The following TUG1 variants were observed in gnomAD, a reference collection of about 807,000 sequenced individuals.
The protein encoded by TUG1 is taurine upregulated gene 1.
chr22:30,970,672 C>G (rs1357359559), exon 1 of TUG1: 1 of 152,164 alleles, frequency 6.6e-6, no homozygotes, highest in African/African-American at 2.4e-5. Flanking sequence ...TTACTTGATC[C>G]TACTTTACAT....
chr22:30,976,427 A>G (rs1156445735), exon 3 of TUG1: 1 of 152,204 alleles, frequency 6.6e-6, no homozygotes, highest in Admixed American at 6.5e-5. Flanking sequence ...TTTGCTGGAA[A>G]CAAACTGATT....
At chr22:30,974,302 CTT>C in intron 2 of TUG1, 1 of 147,054 alleles carries the variant, frequency 6.8e-6, no homozygotes, top group East Asian at 2.0e-4. Flanking sequence ...TCTCAGGAGA[CTT>C]GCAGCAAATT....
exon 3 of TUG1, chr22:30,977,270 A>G (rs538692796): frequency 2.0e-5 from 3 of 152,338 alleles, no homozygotes; most frequent in South Asian, 2.1e-4. Context: ...GCACCATTCA[A>G]CCAATCTGAG....
chr22:30,976,123 T>C (rs1198920719), exon 3 of TUG1: 1 of 151,440 alleles, frequency 6.6e-6, no homozygotes, highest in Non-Finnish European at 1.5e-5. Context: ...ATCTGCCTAT[T>C]CTCCAGAATT....
chr22:30,975,492 A>G (rs1602532600), exon 3 of TUG1: 1 of 152,234 alleles, frequency 6.6e-6, no homozygotes, highest in South Asian at 2.1e-4. Context: ...TGTTCAGTAG[A>G]TGCTGAACAT....
chr22:30,979,238 G>T (rs2041322712), exon 3 of TUG1: 1 of 152,160 alleles, frequency 6.6e-6, no homozygotes, highest in African/African-American at 2.4e-5. Context: ...AAATGTGTGT[G>T]CTTATGTTTA....
exon 3 of TUG1, chr22:30,975,245 CTG>C (rs1272595813): frequency 4.6e-5 from 7 of 152,322 alleles, no homozygotes; most frequent in Non-Finnish European, 7.3e-5. Flanking sequence ...TGAGTGAAAA[CTG>C]TGCAGAAGCC....
chr22:30,972,789 T>G (rs2041245679), intron 1 of TUG1, 66 bp from the exon 2 acceptor site: 1 of 153,318 alleles, frequency 6.5e-6, no homozygotes. Flanking sequence ...GCAGACCCAC[T>G]TAGAGTCCTG....
chr22:30,969,958 A>C (rs760272240), exon 1 of TUG1: 1 of 152,210 alleles, frequency 6.6e-6, no homozygotes, highest in Non-Finnish European at 1.5e-5. Flanking sequence ...TCTGCGCCTC[A>C]GTTTCCTCCT....
exon 1 of TUG1, chr22:30,970,089 A>G (rs1445843246): frequency 1.3e-5 from 2 of 152,174 alleles, no homozygotes; most frequent in Non-Finnish European, 2.9e-5. Flanking sequence ...CAGTTCCCCA[A>G]TCCTTGGGTT....
exon 3 of TUG1, chr22:30,976,617 A>T (rs1365292085): frequency 6.6e-6 from 1 of 152,198 alleles, no homozygotes; most frequent in Admixed American, 6.5e-5. Context: ...ATTGTAACAG[A>T]CATAAAGACA....
chr22:30,975,629 G>A (rs1376647039), exon 3 of TUG1: 1 of 152,128 alleles, frequency 6.6e-6, no homozygotes, highest in African/African-American at 2.4e-5. Flanking sequence ...ACTCCAGATG[G>A]ATATCCAGTG....
exon 3 of TUG1, chr22:30,977,683 T>A (rs2041304669): frequency 6.6e-6 from 1 of 152,218 alleles, no homozygotes; most frequent in Non-Finnish European, 1.5e-5. Context: ...ACCCTGCTTG[T>A]CTATTTTCCT....
At chr22:30,976,446 A>G (rs1272000714) in exon 3 of TUG1, 13 of 152,192 alleles carry the variant, frequency 8.5e-5, no homozygotes, top group Admixed American at 8.5e-4. Context: ...TTTGAAAAAC[A>G]AAATCTATGA....
At chr22:30,976,998 T>C (rs2147370922) in exon 3 of TUG1, 1 of 152,316 alleles carries the variant, frequency 6.6e-6, no homozygotes, top group East Asian at 1.9e-4. Flanking sequence ...TACCTTCCAA[T>C]TGTCAGCTCT....
At chr22:30,974,276 A>G (rs1162766315) in intron 2 of TUG1, 1 of 151,266 alleles carries the variant, frequency 6.6e-6, no homozygotes, top group African/African-American at 2.4e-5. Flanking sequence ...ACATTGAGGT[A>G]TAGTGTATTA....
At chr22:30,972,519 T>C (rs1352152379) in intron 1 of TUG1, 2 of 152,224 alleles carry the variant, frequency 1.3e-5, no homozygotes, top group East Asian at 3.8e-4. Context: ...CTCAGTTCTT[T>C]TTATGGCACT....
chr22:30,974,425 C>T (rs988495854), intron 2 of TUG1: 3 of 151,404 alleles, frequency 2.0e-5, no homozygotes, highest in Admixed American at 2.0e-4. Context: ...TAATCAAACA[C>T]AGAAGGATAT....
exon 3 of TUG1, chr22:30,977,370 G>A (rs1216172603): frequency 6.6e-6 from 1 of 152,084 alleles, no homozygotes; most frequent in South Asian, 2.1e-4. Flanking sequence ...GGCCAACTTT[G>A]ACAAATCTGG....
Sources: allele counts gnomAD v4.1 joint callset, GRCh38; gene constraint gnomAD v4.1.1; transcripts MANE v1.5; gene names NCBI Gene and HGNC (gene_info 2026-07-23, HGNC 2026-07-21).